Variants in LAP3 observed in about 807,000 individuals in gnomAD.
LAP3 encodes the protein leucine aminopeptidase 3, also known as cytosol aminopeptidase.
In LAP3, 46 loss-of-function variants were observed where a neutral mutation model predicts 58.8. The observed-to-expected ratio is 0.78, with a 90% confidence interval of 0.62 to 1.00. The LOEUF is 1.00. LAP3 is among the 50% of genes least tolerant of loss of function. LAP3 has a pLI of 0.00. For synonymous variants in LAP3, 257 were observed against 237.7 expected (o/e 1.08, Z -0.75); for missense variants, 615 against 659.1 (o/e 0.93, Z 0.73).
intron 7 of LAP3, among the ~76,000 whole-genome samples, chr4:17,591,659 G>A (rs1017137859): frequency 2.0e-5 from 3 of 152,132 alleles, no homozygotes; most frequent in African/African-American, 7.2e-5. Context: ...GAGAGACTAG[G>A]GACAGGCATT....
chr4:17,579,862 T>A lies in LAP3; in HGVS notation c.141T>A (p.Asp47Glu). The stretch of plus-strand genomic sequence containing the variant: ...GAATCTATTCCAAAGAAAAAGAAGA[T>A]GATGTGCCACAGTTCACAAGTGCAG... The part of the protein sequence containing the change: ...VLGIYSKEKE[D>E]DVPQFTSAGE... The change falls in exon 2 of 13, where the codon GAT (aspartate) becomes GAA (glutamate). Residue 47 changes from aspartate (D) to glutamate (E), a missense_variant. By Grantham distance (45) the Asp-to-Glu change is conservative. Transcript: ENST00000226299. The A allele has an allele frequency of 6.2e-7, 1 of 1,610,450 alleles. No homozygotes were observed. Among genetic ancestry groups the A allele is most frequent in the South Asian group, 1.1e-5 (1 of 90,536 alleles).
At chr4:17,585,547 T>A (rs1042064339) in intron 6 of LAP3, 12 of 159,716 alleles carry the variant, frequency 7.5e-5, no homozygotes, top group African/African-American at 2.4e-4. Flanking sequence ...CCTAGCCTCC[T>A]CAATAGCTGG....
At chr4:17,587,028 T>A (rs929189105) in intron 6 of LAP3, among the ~76,000 whole-genome samples, 2 of 152,124 alleles carry the variant, frequency 1.3e-5, no homozygotes, top group African/African-American at 2.4e-5. Flanking sequence ...ATTGCTTGAA[T>A]CTGGGAGATG....
chr4:17,583,237 G>A (rs1190651352), intron 4 of LAP3, among the ~76,000 whole-genome samples: 1 of 152,196 alleles, frequency 6.6e-6, no homozygotes, highest in African/African-American at 2.4e-5. Flanking sequence ...GTACGGCTCT[G>A]GGAGGAGCTA....
At position 17,595,425 on chromosome 4, in the gene LAP3, C is replaced by T; in HGVS notation, c.879C>T (p.Ile293=). The part of the protein sequence containing the change: ...GITFDSGGIS[I]KASANMDLMR... ...TTCCCCATAGTGGTGGTATCTCCAT[C>T]AAGGCTTCTGCAAATATGGACCTCA... Residue 293 remains isoleucine (I), a synonymous_variant, in exon 8 of 13, where the codon ATC becomes ATT. Coordinates refer to ENST00000226299, the MANE Select transcript of LAP3 (RefSeq NM_015907.3). 6.2e-7 allele frequency: 1 copy of T among 1,613,928 alleles called. No homozygotes were observed. The highest frequency in any genetic ancestry group is 8.5e-7 in the Non-Finnish European group (1 of 1,179,912).
At chr4:17,595,991 A>C (rs375812907) in intron 8 of LAP3, among the ~76,000 whole-genome samples, 2 of 152,166 alleles carry the variant, frequency 1.3e-5, no homozygotes, top group South Asian at 2.1e-4. Context: ...CAGGCACAGT[A>C]CTGGGAGTTT....
intron 4 of LAP3, chr4:17,582,781 T>C (rs750244899): frequency 3.4e-5 from 6 of 176,026 alleles, no homozygotes; most frequent in Non-Finnish European, 7.3e-5. Context: ...AAGCAAAGCG[T>C]GGCGTGCTTG....
intron 7 of LAP3, among the ~76,000 whole-genome samples, chr4:17,594,652 G>C (rs1294645301): frequency 6.6e-6 from 1 of 152,182 alleles, no homozygotes; most frequent in African/African-American, 2.4e-5. Flanking sequence ...GCCTTATTCA[G>C]TTCTCATGTT....
At chr4:17,602,240 C>T (rs1363310078) in intron 10 of LAP3, among the ~76,000 whole-genome samples, 1 of 152,058 alleles carries the variant, frequency 6.6e-6, no homozygotes, top group East Asian at 1.9e-4. Flanking sequence ...TCCTTTATGC[C>T]AGGCAGTGTG....
intron 12 of LAP3, 52 bp from the exon 13 acceptor site, chr4:17,607,348 C>T (rs1714166847): frequency 1.3e-6 from 2 of 1,515,418 alleles, no homozygotes; most frequent in Admixed American, 4.0e-5. Flanking sequence ...AATGTGGGAT[C>T]TCAGTGCACA....
chr4:17,586,558 A>G (rs1213993104), intron 6 of LAP3, among the ~76,000 whole-genome samples: 1 of 152,192 alleles, frequency 6.6e-6, no homozygotes, highest in East Asian at 1.9e-4. Flanking sequence ...AGATGCATGA[A>G]GTGGTCCTTG....
At chr4:17,589,103 C>T (rs1032940649) in intron 7 of LAP3, 126 bp downstream of exon 7, 8 of 980,916 alleles carry the variant, frequency 8.2e-6, no homozygotes, top group Non-Finnish European at 1.2e-5. Flanking sequence ...CCCTGTCACC[C>T]AGGCTAGAGT....
chr4:17,584,226 T>TA (rs1342776610), intron 5 of LAP3, among the ~76,000 whole-genome samples: 2 of 152,256 alleles, frequency 1.3e-5, no homozygotes, highest in African/African-American at 4.8e-5. Flanking sequence ...CTTCACCACT[T>TA]ACTCGTTGGG....
chr4:17,593,445 C>T (rs1434890194), intron 7 of LAP3, among the ~76,000 whole-genome samples: 2 of 152,032 alleles, frequency 1.3e-5, no homozygotes, highest in African/African-American at 4.8e-5. Context: ...TGCCTCTGGG[C>T]TCTGTATCCT....
chr4:17,593,210 T>C (rs1713739112), intron 7 of LAP3, among the ~76,000 whole-genome samples: 1 of 152,098 alleles, frequency 6.6e-6, no homozygotes, highest in African/African-American at 2.4e-5. Flanking sequence ...AATTGTAAGG[T>C]TTTTTAAAAA....
At chr4:17,597,614 A>C (rs1713863899) in intron 9 of LAP3, among the ~76,000 whole-genome samples, 1 of 151,930 alleles carries the variant, frequency 6.6e-6, no homozygotes, top group Non-Finnish European at 1.5e-5. Flanking sequence ...TTTTTGGGGG[A>C]TTTTGAAGAA....
At chr4:17,581,243 T>A (rs1208910860) in intron 2 of LAP3, among the ~76,000 whole-genome samples, 1 of 152,188 alleles carries the variant, frequency 6.6e-6, no homozygotes, top group Non-Finnish European at 1.5e-5. Context: ...ATTACTGCAG[T>A]GTTTTTGGTG....
In LAP3 at chr4:17,604,644, TGGCTCTGGAACA is replaced by T. The variant is rs1401350419; in HGVS notation, c.1238_1249del (p.Trp413_Lys417delinsTer). On this transcript the variant is annotated stop_gained and inframe_deletion, in exon 11 of 13. Coordinates refer to ENST00000226299, the MANE Select transcript of LAP3 (RefSeq NM_015907.3). LOFTEE classifies it high-confidence loss of function. The stretch of plus-strand genomic sequence containing the variant: ...CACTGGGGTCTTTACCAATTCATCC[TGGCTCTGGAACA>T]AACTCTTCGAGGTAGGAATAATATT... 3.1e-6 allele frequency: 5 copies of T among 1,613,298 alleles called. No homozygotes were observed. In the African/African-American group the frequency reaches 6.7e-5, roughly 22 times the overall value.
At chr4:17,597,991 G>A (rs890997080) in intron 9 of LAP3, among the ~76,000 whole-genome samples, 1 of 152,206 alleles carries the variant, frequency 6.6e-6, no homozygotes, top group African/African-American at 2.4e-5. Context: ...AGACTGCCAT[G>A]TAGCTGTAGC....
Sources: gnomAD v4.1 joint callset for allele counts (sites outside exome capture counted in the v4.1 genomes callset) on GRCh38, gnomAD v4.1.1 for gene constraint, MANE v1.5 for transcripts, NCBI Gene and HGNC (gene_info 2026-07-23, HGNC 2026-07-21) for gene names.